The following CDH23 variants were observed in gnomAD, a reference collection of about 807,000 sequenced individuals.
CDH23 encodes cadherin related 23.
CDH23 carries 189 observed loss-of-function variants against 317.1 expected under a neutral mutation model. That is an observed-to-expected ratio of 0.60 (90% CI 0.53 to 0.67). The LOEUF is 0.67. Ranked by LOEUF, CDH23 falls within the 30% of genes least tolerant of loss-of-function variation. The pLI is 0.00. For synonymous variants in CDH23, 1,839 were observed against 1,876.8 expected (o/e 0.98, Z 0.52); for missense variants, 4,401 against 4,592.4 (o/e 0.96, Z 1.20).
chr10:71,788,379 G>A lies in CDH23; in HGVS notation c.5821-561G>A, dbSNP rs756543016. 5.3e-5 allele frequency among the ~76,000 whole-genome samples: 8 copies of A among 151,846 alleles called. No homozygotes were observed. In the South Asian group the frequency reaches 8.3e-4, roughly 16 times the overall value. ...GTTTTTTGACTTTTTAATAATAGCC[G>A]TTCTGACTGGTGTGAGAGGGTACCT... is the stretch of plus-strand genomic sequence containing the variant. On this transcript the variant is annotated intron_variant, in intron 44 of 69. Transcript: ENST00000224721.
chr10:71,805,365 G>T (rs927207026), intron 55 of CDH23, among the ~76,000 whole-genome samples: 2 of 152,230 alleles, frequency 1.3e-5, no homozygotes, highest in African/African-American at 4.8e-5. Context: ...TGGATGGATG[G>T]TGTTGTTTGG....
chr10:71,464,207 T>C (rs1268720778), intron 3 of CDH23, among the ~76,000 whole-genome samples: 1 of 152,136 alleles, frequency 6.6e-6, no homozygotes, highest in East Asian at 1.9e-4. Flanking sequence ...AATGACAGAG[T>C]AATAGCAGCA....
intron 6 of CDH23, among the ~76,000 whole-genome samples, chr10:71,564,823 C>G (rs576500085): frequency 6.6e-6 from 1 of 152,308 alleles, no homozygotes; most frequent in African/African-American, 2.4e-5. Context: ...GAGTCCTGTG[C>G]TTTTCTTTGT....
chr10:71,677,147 G>C (rs1864404890), intron 15 of CDH23, among the ~76,000 whole-genome samples: 1 of 152,108 alleles, frequency 6.6e-6, no homozygotes, highest in Admixed American at 6.6e-5. Context: ...CAGTTCTCCA[G>C]CATCTAAATA....
intron 9 of CDH23, among the ~76,000 whole-genome samples, chr10:71,612,748 G>T (rs1860977151): frequency 6.6e-6 from 1 of 152,222 alleles, no homozygotes; most frequent in Non-Finnish European, 1.5e-5. Context: ...AGCCTTAGGG[G>T]CTCAGAGGAC....
At chr10:71,568,143 T>G (rs1589217198) in intron 7 of CDH23, among the ~76,000 whole-genome samples, 1 of 152,248 alleles carries the variant, frequency 6.6e-6, no homozygotes, top group Non-Finnish European at 1.5e-5. Context: ...CCAGTGGCTG[T>G]GGGGAGGTCA....
At chr10:71,723,799 G>A in intron 28 of CDH23, among the ~76,000 whole-genome samples, 1 of 152,166 alleles carries the variant, frequency 6.6e-6, no homozygotes, top group Non-Finnish European at 1.5e-5. Flanking sequence ...CTGCGAACCT[G>A]GAGGAGGATC....
Position 71,791,141 on chromosome 10 carries a change from C to A in CDH23, c.6059C>A (p.Thr2020Asn), listed in dbSNP as rs1490227992. The A allele has an allele frequency of 6.2e-7, 1 of 1,607,714 alleles. No homozygotes were observed. The change falls in exon 47 of 70, where the codon ACC (threonine) becomes AAC (asparagine). Residue 2020 changes from threonine (T) to asparagine (N), a missense_variant. Thr to Asn is a moderately conservative substitution (Grantham distance 65). Transcript: ENST00000224721. ...CGGCACCGGGTGCCAGGTGTGGTGA[C>A]CGTGAGGTCAGGTGTCATCATTGAC... ...FDINSSTGVV[T>N]VRSGVIIDRE...
At chr10:71,755,997 A>G (rs991597620) in intron 38 of CDH23, among the ~76,000 whole-genome samples, 3 of 152,208 alleles carry the variant, frequency 2.0e-5, no homozygotes, top group African/African-American at 7.2e-5. Context: ...ATAGATAAAA[A>G]GCCCCAACTC....
chr10:71,808,080 G>C, intron 60 of CDH23, 73 bp downstream of exon 60: 1 of 1,533,214 alleles, frequency 6.5e-7, no homozygotes, highest in Middle Eastern at 2.0e-4. Context: ...CATCTGGGGG[G>C]AGATGGGGTC....
chr10:71,625,061 C>T (rs1217411177), intron 11 of CDH23, among the ~76,000 whole-genome samples: 10 of 151,984 alleles, frequency 6.6e-5, no homozygotes, highest in Admixed American at 5.2e-4. Flanking sequence ...ATGGGGAAAA[C>T]GGCTCTGAAT....
At chr10:71,482,742 G>A (rs1177599433) in intron 3 of CDH23, among the ~76,000 whole-genome samples, 1 of 152,242 alleles carries the variant, frequency 6.6e-6, no homozygotes, top group Non-Finnish European at 1.5e-5. Flanking sequence ...TGGAGACACA[G>A]GAGGATAAAA....
chr10:71,612,487 T>C (rs1860963015), intron 9 of CDH23, among the ~76,000 whole-genome samples: 1 of 152,172 alleles, frequency 6.6e-6, no homozygotes, highest in South Asian at 2.1e-4. Context: ...TGAAAGCACG[T>C]CATTCAACAA....
intron 1 of CDH23, among the ~76,000 whole-genome samples, chr10:71,403,387 CTTTCTTTCTTTCTT>C (rs1488715122): frequency 8.9e-6 from 1 of 112,922 alleles, no homozygotes; most frequent in African/African-American, 4.4e-5. Flanking sequence ...TTCTTTCTTT[CTTTCTTTCTTTCTT>C]TCTTTCTCTT....
At position 71,403,408 on chromosome 10, in the gene CDH23, T is replaced by TCTTC. The variant is rs1176829681; in HGVS notation, c.-6+6134_-6+6137dup. Among the ~76,000 whole-genome samples the TCTTC allele has an allele frequency of 1.5e-3, 88 of 57,094 alleles. 6 individuals carry two copies. Among genetic ancestry groups the TCTTC allele is most frequent in the East Asian group, 6.7e-3 (12 of 1,796 alleles). 37.5% of individuals were successfully genotyped at this position (57,094 alleles called of 152,430 possible). On this transcript the variant is annotated intron_variant, in intron 1 of 69. Transcript: ENST00000224721. ...CTTTCTTTCTTTCTTTCTTTCTTTCTCTTCCTTCCTTCCTTCCTTCCTTCC... is the reference window on the plus strand; with the variant it reads ...CTTTCTTTCTTTCTTTCTTTCTTTCTCTTCCTTCCTTCCTTCCTTCCTTCCTTCC...
chr10:71,790,107 G>A (rs141319056), intron 45 of CDH23, among the ~76,000 whole-genome samples, 181 bp from the exon 46 acceptor site: 81 of 152,310 alleles, frequency 5.3e-4, no homozygotes, highest in African/African-American at 1.6e-3. Flanking sequence ...CGCTCCCCAG[G>A]CATCTGCGTT....
chr10:71,615,794 C>T (rs534373682), intron 10 of CDH23, among the ~76,000 whole-genome samples, 178 bp downstream of exon 10: 1 of 152,330 alleles, frequency 6.6e-6, no homozygotes, highest in African/African-American at 2.4e-5. Flanking sequence ...CAGGAAGGCA[C>T]CCACGTTATG....
At chr10:71,483,245 G>A (rs934970160) in intron 3 of CDH23, among the ~76,000 whole-genome samples, 1 of 152,182 alleles carries the variant, frequency 6.6e-6, no homozygotes, top group Non-Finnish European at 1.5e-5. Flanking sequence ...CCTTCCAGGG[G>A]TGACGTTCAA....
At chr10:71,453,934 G>GA (rs550481894) in intron 3 of CDH23, among the ~76,000 whole-genome samples, 100 of 151,876 alleles carry the variant, frequency 6.6e-4, no homozygotes, top group Non-Finnish European at 1.3e-3. Flanking sequence ...TCAGCTCTAC[G>GA]AAAAAAAATA....
Sources: allele counts gnomAD v4.1 joint callset (sites outside exome capture counted in the v4.1 genomes callset), GRCh38; gene constraint gnomAD v4.1.1; transcripts MANE v1.5; gene names NCBI Gene and HGNC (gene_info 2026-07-23, HGNC 2026-07-21).